RGS22: variants seen among roughly 807,000 people sequenced by gnomAD.
RGS22 encodes regulator of G protein signaling 22, also known as regulator of G-protein signaling 22.
Under a neutral mutation model 172.9 loss-of-function variants are expected in RGS22, and 148 were observed. The observed-to-expected ratio is 0.86, with a 90% CI of 0.75 to 0.98. The LOEUF is 0.98. Among genes scored for constraint, RGS22 ranks in the 50% least tolerant of loss-of-function variants. The pLI is 0.00. For synonymous variants in RGS22, 458 were observed against 480.2 expected, an observed-to-expected ratio of 0.95 and a Z score of 0.60; for missense variants, 1,347 against 1,440.8, an observed-to-expected ratio of 0.93 and a Z score of 1.05.
intron 14 of RGS22, among the ~76,000 whole-genome samples, chr8:100,013,428 T>TC (rs1171169243): frequency 2.0e-5 from 3 of 152,168 alleles, no homozygotes; most frequent in Admixed American, 1.3e-4. Context: ...TCTTTTACTC[T>TC]CAGTCTTGCC....
intron 14 of RGS22, among the ~76,000 whole-genome samples, chr8:100,030,035 A>C (rs1818623076): frequency 6.6e-6 from 1 of 152,254 alleles, no homozygotes; most frequent in Non-Finnish European, 1.5e-5. Flanking sequence ...CAGATATTCA[A>C]AGGTGGAAAA....
intron 14 of RGS22, among the ~76,000 whole-genome samples, chr8:100,018,714 C>T (rs755579972): frequency 2.6e-5 from 4 of 152,066 alleles, no homozygotes; most frequent in Non-Finnish European, 5.9e-5. Context: ...ACGACATTTC[C>T]CATTGCAATT....
rs928944859 is a variant in RGS22, at chr8:99,962,061, A to C, written c.*45+333T>G. The stretch of plus-strand genomic sequence containing the variant: ...TGTGAGAGAAGGGCCCTCAATTTTT[A>C]GTTCTTTTTTTTTTTAATTTTAAGT... On this transcript the variant is annotated intron_variant, in intron 27 of 27. Transcript: ENST00000360863. 2.8e-4 allele frequency among the ~76,000 whole-genome samples: 7 copies of C among 25,208 alleles called. No homozygotes were observed. The Admixed American group carries it at 4.7e-3, about 17-fold the overall frequency. 16.5% of individuals were successfully genotyped at this position (25,208 alleles called of 152,430 possible).
intron 4 of RGS22, among the ~76,000 whole-genome samples, chr8:100,076,107 T>A (rs1032559759): frequency 6.6e-6 from 1 of 152,224 alleles, no homozygotes; most frequent in African/African-American, 2.4e-5. Flanking sequence ...AGAGTTATTT[T>A]TATAGTTTAG....
intron 2 of RGS22, 96 bp from the exon 3 acceptor site, chr8:100,093,605 T>C (rs949306660): frequency 2.5e-6 from 2 of 801,494 alleles, no homozygotes; most frequent in African/African-American, 1.8e-5. Flanking sequence ...TATTATCACA[T>C]AGATCTTCAA....
intron 24 of RGS22, among the ~76,000 whole-genome samples, chr8:99,963,542 A>G (rs1357744166): frequency 6.6e-6 from 1 of 152,234 alleles, no homozygotes; most frequent in Non-Finnish European, 1.5e-5. Context: ...ACAAATTCAT[A>G]TACAGTTAAC....
chr8:100,032,583 CCA>C (rs1241936665), intron 14 of RGS22, among the ~76,000 whole-genome samples: 1 of 152,058 alleles, frequency 6.6e-6, no homozygotes, highest in Non-Finnish European at 1.5e-5. Context: ...CTTTAACACC[CCA>C]CTGTCAATAT....
chr8:100,054,436 T>G (rs1822032918), intron 9 of RGS22: 1 of 153,874 alleles, frequency 6.5e-6, no homozygotes. Flanking sequence ...ACAGAAAAAT[T>G]TTTCAAATTA....
rs372900541 is a variant in RGS22 at position 100,095,976 on chromosome 8, G to A, written c.55-2467C>T. ...CCACATCTGGCACCTGAGTGGAAAG[G>A]CTTGTCCTTCTCTTAGTAAATAAAG... On this transcript the variant is annotated intron_variant, in intron 2 of 27. Transcript: ENST00000360863. Among the ~76,000 whole-genome samples, 4 of 152,186 alleles carry A rather than the reference G, an allele frequency of 2.6e-5. No homozygotes were observed. The South Asian group carries it at 6.2e-4, about 24-fold the overall frequency.
chr8:100,047,104 C>T (rs910593018), intron 11 of RGS22, among the ~76,000 whole-genome samples: 15 of 152,066 alleles, frequency 9.9e-5, no homozygotes, highest in Non-Finnish European at 1.5e-5. Context: ...TCTGAGCCAC[C>T]GTGTCTGGTC....
At chr8:100,017,996 T>G (rs73702130) in intron 14 of RGS22, among the ~76,000 whole-genome samples, 1,783 of 152,266 alleles carry the variant, frequency 0.012, 44 homozygotes, top group African/African-American at 0.041. Context: ...AACATTAACC[T>G]ATGATGCTTT....
At chr8:100,079,673 T>C (rs1203720648) in intron 4 of RGS22, among the ~76,000 whole-genome samples, 2 of 152,126 alleles carry the variant, frequency 1.3e-5, no homozygotes, top group African/African-American at 4.8e-5. Flanking sequence ...AACCCAGGTT[T>C]TCCAACCTCA....
intron 3 of RGS22, 84 bp downstream of exon 3, chr8:100,093,363 T>C: frequency 1.3e-6 from 1 of 746,278 alleles, no homozygotes. Context: ...TTATCCCTGA[T>C]AAATTGGTTT....
chr8:99,974,795 CAA>C (rs796385179), intron 23 of RGS22, among the ~76,000 whole-genome samples: 4 of 116,020 alleles, frequency 3.4e-5, no homozygotes, highest in Non-Finnish European at 5.7e-5. Flanking sequence ...AAGACTCTGT[CAA>C]AAAAAAAAAA....
intron 14 of RGS22, among the ~76,000 whole-genome samples, chr8:100,016,241 C>G (rs969855937): frequency 1.3e-5 from 2 of 152,104 alleles, no homozygotes; most frequent in African/African-American, 4.8e-5. Flanking sequence ...CAAGAATATA[C>G]AATTTAGAAC....
At chr8:100,018,349 G>T (rs946324282) in intron 14 of RGS22, among the ~76,000 whole-genome samples, 6 of 151,962 alleles carry the variant, frequency 3.9e-5, no homozygotes, top group African/African-American at 1.5e-4. Context: ...AAAAGATGTA[G>T]GATGGATACC....
chr8:100,057,224 C>A (rs1351360303), intron 9 of RGS22, among the ~76,000 whole-genome samples: 2 of 152,180 alleles, frequency 1.3e-5, no homozygotes, highest in Non-Finnish European at 2.9e-5. Flanking sequence ...CATTCCTGTA[C>A]CTCCATTGTA....
chr8:100,045,211 C>G (rs1419107588), intron 11 of RGS22, among the ~76,000 whole-genome samples: 1 of 151,738 alleles, frequency 6.6e-6, no homozygotes, highest in East Asian at 1.9e-4. Flanking sequence ...AAGTTCAAGG[C>G]TGCACGCCAT....
rs911850068 is a variant in RGS22, at chr8:100,033,519, G to A, written c.2166+5412C>T. Among the ~76,000 whole-genome samples the A allele has an allele frequency of 1.0e-4, 15 of 148,118 alleles. No individual in the cohort carries two copies. The Admixed American group carries it at 1.0e-3, about 10-fold the overall frequency. ...AATAACAGGCTCTGAAATTGAGGCA[G>A]TAATTAATAGCCTACCAACCAAAAA... On this transcript the variant is annotated intron_variant, in intron 14 of 27. Coordinates refer to ENST00000360863, the MANE Select transcript of RGS22 (RefSeq NM_015668.5).
Sources: gnomAD v4.1 joint callset for allele counts (sites outside exome capture counted in the v4.1 genomes callset) on GRCh38, gnomAD v4.1.1 for gene constraint, MANE v1.5 for transcripts, NCBI Gene and HGNC (gene_info 2026-07-23, HGNC 2026-07-21) for gene names.